Variants in UGT2A1 observed in about 807,000 individuals in gnomAD.
UGT2A1 encodes UDP-glucuronosyltransferase 2A1.
Under a neutral mutation model 45.4 loss-of-function variants are expected in UGT2A1, and 61 were observed. That is an observed-to-expected ratio of 1.34 (90% CI 1.09 to 1.66). The LOEUF (loss-of-function observed/expected upper bound fraction) is 1.66, where lower values mean the gene tolerates loss of function less well. UGT2A1 is among the 40% of genes most tolerant of loss of function. UGT2A1 has a pLI of 0.00. For missense variants in UGT2A1, 649 were observed against 574.3 expected, an observed-to-expected ratio of 1.13 and a Z score of -1.33; for synonymous variants, 229 against 196.2, an observed-to-expected ratio of 1.17 and a Z score of -1.40.
At chr4:69,632,885 C>T (rs866829834) in intron 3 of UGT2A1, among the ~76,000 whole-genome samples, 1 of 87,600 alleles carries the variant, frequency 1.1e-5, no homozygotes, top group African/African-American at 4.0e-5. Context: ...AAGACTCGGT[C>T]AAAAAAAAAA....
At chr4:69,638,829 C>G in intron 2 of UGT2A1, 3 of 1,449,462 alleles carry the variant, frequency 2.1e-6, no homozygotes. Flanking sequence ...GAATGGAAAT[C>G]GTTTGCCATA....
intron 1 of UGT2A1, among the ~76,000 whole-genome samples, chr4:69,651,238 T>C (rs1463367409): frequency 6.6e-6 from 1 of 152,180 alleles, no homozygotes; most frequent in Non-Finnish European, 1.5e-5. Context: ...AGATTTGGCC[T>C]AAAATGTGGG....
At chr4:69,626,089 T>A (rs987548193) in intron 3 of UGT2A1, among the ~76,000 whole-genome samples, 1 of 151,550 alleles carries the variant, frequency 6.6e-6, no homozygotes, top group South Asian at 2.1e-4. Flanking sequence ...CAGTCATATA[T>A]TTATGCTTTG....
intron 5 of UGT2A1, 102 bp downstream of exon 5, chr4:69,595,060 C>T: frequency 1.4e-6 from 2 of 1,445,620 alleles, no homozygotes; most frequent in Admixed American, 1.9e-5. Context: ...TGTCAAATAA[C>T]ATTTTAAATT....
intron 3 of UGT2A1, among the ~76,000 whole-genome samples, chr4:69,633,391 C>A (rs1721493980): frequency 6.6e-6 from 1 of 152,108 alleles, no homozygotes; most frequent in African/African-American, 2.4e-5. Flanking sequence ...TTTGCACAAC[C>A]TTTTGGGAAA....
In UGT2A1 at chr4:69,588,572, TG is replaced by T. The variant is rs1718386071; in HGVS notation, c.*799del. 1 of 152,100 alleles carries T rather than the reference TG, an allele frequency of 6.6e-6. No homozygotes were observed. The highest frequency in any genetic ancestry group is 1.5e-5 in the Non-Finnish European group (1 of 67,990). 9.4% of individuals were successfully genotyped at this position (152,100 alleles called of 1,614,324 possible). A position where few individuals can be genotyped will look rare whatever the true frequency, so the allele number is the denominator to read the frequency against. On this transcript the variant is annotated 3_prime_UTR_variant, in exon 7 of 7. Transcript: ENST00000286604. ...CAGTTGACTAAAAATTTTATAAAAATGATAATTATTTTCTAGATTTCTAATT... is the reference window on the plus strand; with the variant it reads ...CAGTTGACTAAAAATTTTATAAAAATATAATTATTTTCTAGATTTCTAATT...
At chr4:69,594,351 T>C in intron 6 of UGT2A1, 126 bp downstream of exon 6, 1 of 1,267,760 alleles carries the variant, frequency 7.9e-7, no homozygotes, top group Non-Finnish European at 1.1e-6. Context: ...TAAAATAGTT[T>C]TTATATTGGT....
intron 3 of UGT2A1, among the ~76,000 whole-genome samples, chr4:69,631,939 G>T (rs1455473107): frequency 1.3e-5 from 2 of 152,100 alleles, no homozygotes. Flanking sequence ...TAGAAACATG[G>T]ATTCCAAAAT....
chr4:69,613,817 G>C (rs1560479100), intron 3 of UGT2A1, among the ~76,000 whole-genome samples: 1 of 151,798 alleles, frequency 6.6e-6, no homozygotes, highest in Non-Finnish European at 1.5e-5. Context: ...AGTATAGAAG[G>C]AACATAGCTC....
intron 4 of UGT2A1, among the ~76,000 whole-genome samples, chr4:69,599,006 G>T (rs1256822705): frequency 6.6e-6 from 1 of 152,100 alleles, no homozygotes; most frequent in East Asian, 1.9e-4. Context: ...TCAAGGTGTA[G>T]ACACACTGAT....
chr4:69,638,795 A>T (rs1380278726), intron 2 of UGT2A1: 60 of 1,365,076 alleles, frequency 4.4e-5, no homozygotes, highest in Non-Finnish European at 5.7e-5. Context: ...GAAGTCCATT[A>T]TCTTCAGCTC....
chr4:69,597,385 G>A (rs1216149765), intron 4 of UGT2A1, among the ~76,000 whole-genome samples: 5 of 152,086 alleles, frequency 3.3e-5, no homozygotes, highest in African/African-American at 1.2e-4. Flanking sequence ...AAATTTGTCT[G>A]CCAATAAAAT....
chr4:69,626,313 G>T (rs10023818), intron 3 of UGT2A1, among the ~76,000 whole-genome samples: 6,570 of 150,966 alleles, frequency 0.044, 187 homozygotes, highest in African/African-American at 0.07. Flanking sequence ...CACATCTAAA[G>T]ACTCTATTTG....
Position 69,604,874 on chromosome 4 carries a change from T to A in UGT2A1, c.848-5480A>T, listed in dbSNP as rs1480085511. ...TCAATTCAACAAGAAGAGCTAGCTG[T>A]CCTAAATATATATGCACCCAATACA... On this transcript the variant is annotated intron_variant, in intron 3 of 6. Coordinates refer to ENST00000286604, the MANE Select transcript of UGT2A1 (RefSeq NM_001252275.3). Among the ~76,000 whole-genome samples the A allele has an allele frequency of 8.0e-5, 11 of 136,808 alleles. 1 individual carries two copies. The allele number at this position is 136,808 out of a possible 152,430, so 89.8% of individuals were successfully genotyped here.
chr4:69,641,943 C>A (rs1722066773), intron 2 of UGT2A1, among the ~76,000 whole-genome samples: 1 of 151,206 alleles, frequency 6.6e-6, no homozygotes, highest in African/African-American at 2.4e-5. Flanking sequence ...TTACCTTGAC[C>A]CTTCTCTACT....
In UGT2A1 at chr4:69,589,056, A is replaced by G. The variant is rs1252966432; in HGVS notation, c.*316T>C. On this transcript the variant is annotated 3_prime_UTR_variant, in exon 7 of 7. Transcript: ENST00000286604. ...TGTTAATCATTAATTAAGGTTAACG[A>G]TAAAATAATTTGATACTATGAATAG... 1.5e-5 allele frequency: 3 copies of G among 200,044 alleles called. No homozygotes were observed. Among genetic ancestry groups the G allele is most frequent in the Non-Finnish European group, 3.1e-5 (3 of 97,708 alleles). The allele number at this position is 200,044 out of a possible 1,614,324, so 12.4% of individuals were successfully genotyped here.
chr4:69,643,779 C>T (rs1388293948), intron 2 of UGT2A1, among the ~76,000 whole-genome samples: 3 of 151,370 alleles, frequency 2.0e-5, no homozygotes, highest in East Asian at 1.9e-4. Flanking sequence ...TGAGGCTGTT[C>T]GAGGCCTGAG....
intron 3 of UGT2A1, among the ~76,000 whole-genome samples, chr4:69,622,134 GCACATGTACTCCTGAA>G (rs1293532890): frequency 2.0e-5 from 3 of 151,614 alleles, no homozygotes; most frequent in Non-Finnish European, 4.4e-5. Flanking sequence ...TAACAAACCT[GCACATGTACTCCTGAA>G]CCAAAAGGTT....
chr4:69,648,060 A>G (rs1722361058), intron 1 of UGT2A1, among the ~76,000 whole-genome samples: 1 of 151,806 alleles, frequency 6.6e-6, no homozygotes, highest in South Asian at 2.1e-4. Flanking sequence ...TCAGAAATTT[A>G]AAGATGTTAA....
Sources: gnomAD v4.1 joint callset for allele counts (sites outside exome capture counted in the v4.1 genomes callset) on GRCh38, gnomAD v4.1.1 for gene constraint, MANE v1.5 for transcripts, NCBI Gene and HGNC (gene_info 2026-07-23, HGNC 2026-07-21) for gene names.